The following TRIM33 variants were observed in gnomAD, a reference collection of about 807,000 sequenced individuals.
TRIM33 encodes E3 ubiquitin-protein ligase TRIM33.
In TRIM33, 20 loss-of-function variants were observed where a neutral mutation model predicts 125.4. The ratio of observed to expected loss-of-function variants is 0.16; its 90% CI spans 0.11 to 0.23. The LOEUF (loss-of-function observed/expected upper bound fraction) is 0.23, where lower values mean the gene tolerates loss of function less well. Ranked by LOEUF, TRIM33 falls within the 10% of genes least tolerant of loss-of-function variation. The pLI is 1.00. For missense variants in TRIM33, 920 were observed against 1,411.4 expected, an observed-to-expected ratio of 0.65 and a Z score of 5.58; for synonymous variants, 564 against 513.9, an observed-to-expected ratio of 1.10 and a Z score of -1.32.
intron 4 of TRIM33, among the ~76,000 whole-genome samples, chr1:114,442,144 G>A (rs181989284): frequency 6.6e-5 from 10 of 152,210 alleles, no homozygotes; most frequent in Admixed American, 1.3e-4. Flanking sequence ...CCTGGTATAC[G>A]ATGAGTACTT....
At chr1:114,466,222 GATAAGT>G (rs548011605) in intron 1 of TRIM33, among the ~76,000 whole-genome samples, 31 of 152,250 alleles carry the variant, frequency 2.0e-4, no homozygotes, top group East Asian at 3.9e-4. Flanking sequence ...CTACAAAGAA[GATAAGT>G]ATAAGTAACT....
intron 18 of TRIM33, among the ~76,000 whole-genome samples, chr1:114,398,856 A>G (rs1296754799): frequency 2.7e-5 from 4 of 150,688 alleles, no homozygotes; most frequent in Admixed American, 1.3e-4. Context: ...ACAGGTATAT[A>G]ATACATTTCT....
Position 114,454,810 on chromosome 1 carries a change from G to A in TRIM33, c.923+8294C>T, listed in dbSNP as rs570264417. ...CAGACTTCAGCCAGTCTGGGCTGCA[G>A]TCACTAGTCTCAGGGTCACTCCAAA... On this transcript the variant is annotated intron_variant, in intron 4 of 19. Transcript: ENST00000358465. 2.0e-5 allele frequency among the ~76,000 whole-genome samples: 3 copies of A among 152,282 alleles called. No individual in the cohort carries two copies. The South Asian group carries it at 6.2e-4, about 32-fold the overall frequency.
intron 3 of TRIM33, 22 bp from the exon 4 acceptor site, chr1:114,463,258 A>C: frequency 6.3e-7 from 1 of 1,575,100 alleles, no homozygotes; most frequent in South Asian, 1.2e-5. Context: ...TAAAACAAAT[A>C]TTTTTTAACC....
rs1651369223 is a variant in TRIM33 at position 114,393,151 on chromosome 1, A to G, written c.*4497T>C. The G allele has an allele frequency of 9.3e-6, 2 of 214,078 alleles. No individual in the cohort carries two copies. The highest frequency in any genetic ancestry group is 2.3e-5 in the African/African-American group (1 of 44,316). The allele number at this position is 214,078 out of a possible 1,614,324, so 13.3% of individuals were successfully genotyped here. On this transcript the variant is annotated 3_prime_UTR_variant, in exon 20 of 20. Transcript: ENST00000358465. ...TAATAATAATGAGGGGAGGAGACCA[A>G]TTGAAATACTGGAAGCAAGGAACTA...
At chr1:114,451,734 G>C (rs1008978094) in intron 4 of TRIM33, among the ~76,000 whole-genome samples, 1 of 152,124 alleles carries the variant, frequency 6.6e-6, no homozygotes, top group African/African-American at 2.4e-5. Flanking sequence ...GCACTTTATA[G>C]GTACAATTCT....
At chr1:114,450,243 G>A (rs1404709651) in intron 4 of TRIM33, among the ~76,000 whole-genome samples, 1 of 152,114 alleles carries the variant, frequency 6.6e-6, no homozygotes, top group African/African-American at 2.4e-5. Flanking sequence ...TGGGCAACAA[G>A]AGCAAAATTC....
At chr1:114,465,562 CTT>C (rs930820984) in intron 1 of TRIM33, among the ~76,000 whole-genome samples, 1 of 152,090 alleles carries the variant, frequency 6.6e-6, no homozygotes, top group Non-Finnish European at 1.5e-5. Flanking sequence ...AATCCCAACA[CTT>C]TGGGAGTGGA....
chr1:114,417,720 G>A (rs532894453), intron 11 of TRIM33, among the ~76,000 whole-genome samples: 3 of 152,164 alleles, frequency 2.0e-5, no homozygotes, highest in East Asian at 1.9e-4. Context: ...GTGCAATGGC[G>A]CGATCTCGGC....
rs1347599641 is a variant in TRIM33 at position 114,396,542 on chromosome 1, G to C, written c.*1106C>G. On this transcript the variant is annotated 3_prime_UTR_variant, in exon 20 of 20. Transcript: ENST00000358465. ...AGATAGAACCTCAAAATATGAATGT[G>C]AACATTAGAAATAGACAGCATATAT... 1.0e-5 allele frequency: 2 copies of C among 196,488 alleles called. No individual in the cohort carries two copies. Among genetic ancestry groups the C allele is most frequent in the African/African-American group, 2.3e-5 (1 of 43,272 alleles). 12.2% of individuals were successfully genotyped at this position (196,488 alleles called of 1,614,324 possible).
intron 4 of TRIM33, among the ~76,000 whole-genome samples, chr1:114,437,127 A>G (rs1377072853): frequency 6.6e-6 from 1 of 152,232 alleles, no homozygotes; most frequent in Non-Finnish European, 1.5e-5. Context: ...CTGTTTCTAA[A>G]TATATCTTGT....
At chr1:114,480,188 T>G (rs536867819) in intron 1 of TRIM33, among the ~76,000 whole-genome samples, 1 of 152,210 alleles carries the variant, frequency 6.6e-6, no homozygotes, top group East Asian at 1.9e-4. Context: ...CCCCCAACCC[T>G]GTGCTCTCTG....
chr1:114,415,809 G>A (rs527413875), intron 11 of TRIM33, among the ~76,000 whole-genome samples: 17 of 151,840 alleles, frequency 1.1e-4, no homozygotes, highest in South Asian at 2.1e-4. Context: ...AAAATTAGCC[G>A]GGCGGGGTGG....
intron 1 of TRIM33, among the ~76,000 whole-genome samples, chr1:114,488,260 C>T (rs1234894517): frequency 6.6e-6 from 1 of 152,038 alleles, no homozygotes; most frequent in Non-Finnish European, 1.5e-5. Flanking sequence ...CAAACGAAGT[C>T]AAGAGAAACA....
intron 4 of TRIM33, among the ~76,000 whole-genome samples, chr1:114,453,022 G>A (rs1172908935): frequency 6.6e-6 from 1 of 152,124 alleles, no homozygotes; most frequent in Non-Finnish European, 1.5e-5. Flanking sequence ...GAGGAAGAGG[G>A]GGTGTTGGTA....
rs930366867 is a variant in TRIM33, at chr1:114,394,241, A to G, written c.*3407T>C. The G allele has an allele frequency of 4.4e-6, 1 of 229,344 alleles. No homozygotes were observed. Among genetic ancestry groups the G allele is most frequent in the Non-Finnish European group, 8.7e-6 (1 of 115,298 alleles). 14.2% of individuals were successfully genotyped at this position (229,344 alleles called of 1,614,324 possible). On this transcript the variant is annotated 3_prime_UTR_variant, in exon 20 of 20. Coordinates refer to ENST00000358465, the MANE Select transcript of TRIM33 (RefSeq NM_015906.4). The stretch of plus-strand genomic sequence containing the variant: ...AGTGCTGATTTTGACAAGAAATGAG[A>G]TTTTTATATTTCACATGTTGTACAT...
At chr1:114,472,693 G>T (rs973630213) in intron 1 of TRIM33, among the ~76,000 whole-genome samples, 3 of 152,026 alleles carry the variant, frequency 2.0e-5, no homozygotes, top group Non-Finnish European at 4.4e-5. Flanking sequence ...TGGGCCACTG[G>T]GGGACAGTGA....
At chr1:114,509,004 T>C (rs1474045436) in intron 1 of TRIM33, among the ~76,000 whole-genome samples, 1 of 152,198 alleles carries the variant, frequency 6.6e-6, no homozygotes, top group East Asian at 1.9e-4. Context: ...CATTCTGTAA[T>C]ACCTGATATA....
At chr1:114,405,218 A>C (rs1167759668) in intron 15 of TRIM33, 192 bp downstream of exon 15, 1 of 529,538 alleles carries the variant, frequency 1.9e-6, no homozygotes, top group Non-Finnish European at 3.3e-6. Flanking sequence ...ACTCTTTAAC[A>C]TTAATGTACT....
Sources: gnomAD v4.1 joint callset for allele counts (sites outside exome capture counted in the v4.1 genomes callset) on GRCh38, gnomAD v4.1.1 for gene constraint, MANE v1.5 for transcripts, NCBI Gene and HGNC (gene_info 2026-07-23, HGNC 2026-07-21) for gene names.